Variants in MTUS2 observed in about 807,000 individuals in gnomAD.
MTUS2 encodes the protein microtubule associated scaffold protein 2.
Under a neutral mutation model 114.1 loss-of-function variants are expected in MTUS2, and 40 were observed. That is an observed-to-expected ratio of 0.35 (90% CI 0.27 to 0.46). The LOEUF is 0.46. Ranked by LOEUF, MTUS2 falls within the 20% of genes least tolerant of loss-of-function variation. MTUS2 has a pLI of 1.00. For synonymous variants in MTUS2, 688 were observed against 672.0 expected, an observed-to-expected ratio of 1.02 and a Z score of -0.37; for missense variants, 1,679 against 1,705.4, an observed-to-expected ratio of 0.98 and a Z score of 0.27.
At position 28,971,744 on chromosome 13, in the gene MTUS2, CAT is replaced by C. The variant is rs760919847; in HGVS notation, c.-242-52712_-242-52711del. On this transcript the variant is annotated intron_variant, in intron 2 of 15. Transcript: ENST00000612955. Reference sequence around the variant, plus strand: ...TGAGCTCGTTTACTTCTCATATAAACATGTGAGAAAGTGTAGACAAAGAAACT... The same window carrying C: ...TGAGCTCGTTTACTTCTCATATAAACGTGAGAAAGTGTAGACAAAGAAACT... Among the ~76,000 whole-genome samples, 291 of 152,294 alleles carry C rather than the reference CAT, an allele frequency of 1.9e-3. 1 individual carries two copies. Among genetic ancestry groups the C allele is most frequent in the Non-Finnish European group, 2.0e-3 (139 of 68,016 alleles).
In MTUS2 at chr13:29,011,211, A is replaced by G. The variant is rs1885828952; in HGVS notation, c.-242-13246A>G. 2.0e-5 allele frequency among the ~76,000 whole-genome samples: 3 copies of G among 152,188 alleles called. No individual in the cohort carries two copies. In the South Asian group the frequency reaches 6.2e-4, roughly 32 times the overall value. On this transcript the variant is annotated intron_variant, in intron 2 of 15. Transcript: ENST00000612955. ...TGAATTTCTAAAGCGATTTTTATAT[A>G]TTTAAAACATGCCCATGAAAATTCA... is the stretch of plus-strand genomic sequence containing the variant.
intron 2 of MTUS2, among the ~76,000 whole-genome samples, chr13:29,015,221 A>T (rs1038546286): frequency 1.3e-5 from 2 of 152,220 alleles, no homozygotes; most frequent in Non-Finnish European, 2.9e-5. Flanking sequence ...AAAAATGGTG[A>T]TAACTGTGTG....
At chr13:29,060,516 A>G (rs1194609222) in intron 4 of MTUS2, among the ~76,000 whole-genome samples, 6 of 134,490 alleles carry the variant, frequency 4.5e-5, no homozygotes, top group African/African-American at 1.4e-4. Flanking sequence ...GCCTTGGTGG[A>G]TCCCAATGTG....
chr13:28,987,197 G>A (rs112390387), intron 2 of MTUS2, among the ~76,000 whole-genome samples: 21 of 152,320 alleles, frequency 1.4e-4, no homozygotes, highest in African/African-American at 4.8e-4. Context: ...GTGGTAGTGA[G>A]CCTTGAGTGT....
intron 5 of MTUS2, among the ~76,000 whole-genome samples, chr13:29,139,039 C>CTT (rs569683749): frequency 2.8e-5 from 4 of 141,926 alleles, no homozygotes; most frequent in African/African-American, 5.1e-5. Flanking sequence ...TTCCTCCTGT[C>CTT]TTTTTTTTTT....
At chr13:29,093,491 C>T (rs1397563980) in intron 4 of MTUS2, among the ~76,000 whole-genome samples, 1 of 152,054 alleles carries the variant, frequency 6.6e-6, no homozygotes, top group East Asian at 1.9e-4. Flanking sequence ...TATGATAATT[C>T]CTAAGTATTT....
chr13:29,501,921 A>T (rs932236364), intron 15 of MTUS2, among the ~76,000 whole-genome samples: 1 of 152,194 alleles, frequency 6.6e-6, no homozygotes, highest in African/African-American at 2.4e-5. Flanking sequence ...TCATATACTC[A>T]TACAATCCCT....
intron 5 of MTUS2, among the ~76,000 whole-genome samples, chr13:29,208,512 C>T (rs762755868): frequency 1.3e-5 from 2 of 151,686 alleles, no homozygotes; most frequent in Non-Finnish European, 1.5e-5. Flanking sequence ...TCTAGTTTCT[C>T]GAGTTGTGAC....
Position 28,948,685 on chromosome 13 carries a change from G to A in MTUS2, c.-242-75772G>A, listed in dbSNP as rs143223432. ...AACCGTGTTGGCAACATATTCCAGAGCACCGTGATGGAGTTATAATGTATG... is the reference window on the plus strand; with the variant it reads ...AACCGTGTTGGCAACATATTCCAGAACACCGTGATGGAGTTATAATGTATG... On this transcript the variant is annotated intron_variant, in intron 2 of 15. Transcript: ENST00000612955. Among the ~76,000 whole-genome samples the A allele has an allele frequency of 2.3e-3, 343 of 152,240 alleles. 2 individuals are homozygous for A. The highest frequency in any genetic ancestry group is 7.8e-3 in the African/African-American group (325 of 41,532).
intron 6 of MTUS2, among the ~76,000 whole-genome samples, chr13:29,317,654 G>A: frequency 8.8e-5 from 1 of 11,404 alleles, no homozygotes; most frequent in Non-Finnish European, 2.6e-4. Context: ...TAGCCAGGAT[G>A]GTCTCCATCT....
intron 2 of MTUS2, among the ~76,000 whole-genome samples, chr13:28,926,785 G>A (rs8001666): frequency 0.14 from 21,298 of 152,032 alleles, 1,890 homozygotes; most frequent in African/African-American, 0.25. Context: ...TTATAAAAAT[G>A]TATTTAAAAT....
chr13:29,090,787 TA>T (rs1342116460), intron 4 of MTUS2, among the ~76,000 whole-genome samples: 12 of 152,326 alleles, frequency 7.9e-5, no homozygotes, highest in African/African-American at 2.6e-4. Flanking sequence ...TAGAGGATTC[TA>T]ACAAGTCTTT....
At chr13:29,175,882 C>G (rs1362107378) in intron 5 of MTUS2, among the ~76,000 whole-genome samples, 1 of 151,582 alleles carries the variant, frequency 6.6e-6, no homozygotes, top group African/African-American at 2.4e-5. Context: ...TTTATTTAAA[C>G]ATTAAAGTAC....
intron 1 of MTUS2, among the ~76,000 whole-genome samples, chr13:28,826,292 G>C (rs1341312860): frequency 1.3e-5 from 2 of 152,084 alleles, no homozygotes; most frequent in Non-Finnish European, 2.9e-5. Flanking sequence ...TGAATGAATA[G>C]ATAAAAAATG....
At chr13:28,834,666 A>G (rs1164712026) in intron 1 of MTUS2, among the ~76,000 whole-genome samples, 1 of 152,222 alleles carries the variant, frequency 6.6e-6, no homozygotes, top group Non-Finnish European at 1.5e-5. Context: ...TGACGAATAT[A>G]TAGGTTAGTC....
chr13:28,855,464 C>T (rs1216102246), intron 2 of MTUS2, among the ~76,000 whole-genome samples: 1 of 152,114 alleles, frequency 6.6e-6, no homozygotes, highest in Non-Finnish European at 1.5e-5. Context: ...GTGTCGTTCC[C>T]CTCCCTGTGT....
intron 5 of MTUS2, among the ~76,000 whole-genome samples, chr13:29,116,556 A>G (rs926918572): frequency 1.3e-5 from 2 of 152,210 alleles, no homozygotes; most frequent in African/African-American, 4.8e-5. Context: ...AGGATCAAGT[A>G]TGACTTACAA....
intron 5 of MTUS2, among the ~76,000 whole-genome samples, chr13:29,127,765 C>A (rs1422305787): frequency 1.3e-5 from 2 of 152,258 alleles, no homozygotes; most frequent in Non-Finnish European, 2.9e-5. Context: ...GATCCGATAG[C>A]TGCTCACTGG....
intron 4 of MTUS2, among the ~76,000 whole-genome samples, chr13:29,084,297 C>A (rs1167844087): frequency 6.6e-6 from 1 of 151,742 alleles, no homozygotes; most frequent in Non-Finnish European, 1.5e-5. Flanking sequence ...CTCTGTTTCA[C>A]TTTTTTGTTT....
Sources: allele counts gnomAD v4.1 joint callset (sites outside exome capture counted in the v4.1 genomes callset), GRCh38; gene constraint gnomAD v4.1.1; transcripts MANE v1.5; gene names NCBI Gene and HGNC (gene_info 2026-07-23, HGNC 2026-07-21).